Variants in ZNF486 observed in about 807,000 individuals in gnomAD.
ZNF486 encodes zinc finger protein 486, also known as KRAB box only protein 2.
In ZNF486, 12 loss-of-function variants were observed where a neutral mutation model predicts 12.8. That is an observed-to-expected ratio of 0.94 (90% confidence interval 0.60 to 1.52). The LOEUF (loss-of-function observed/expected upper bound fraction) is 1.52. ZNF486 is among the 40% of genes most tolerant of loss of function. The probability of loss-of-function intolerance (pLI) is 0.00; values close to 1 mark genes in which losing one functional copy is unlikely to be tolerated. For missense variants in ZNF486, 738 were observed against 545.0 expected (o/e 1.35, Z -3.53); for synonymous variants, 231 against 184.9 (o/e 1.25, Z -2.02).
At position 20,197,457 on chromosome 19, in the gene ZNF486, C is replaced by G. The variant is rs1459199316; in HGVS notation, c.747C>G (p.Tyr249Ter). The change falls in exon 4 of 4, where the codon TAC becomes TAG. Residue 249 changes from tyrosine (Y) to a stop codon, truncating the protein, a stop_gained. Transcript: ENST00000335117. LOFTEE classifies it low-confidence loss of function (END_TRUNC). ...KCEECGKVFK[Y>*]FSSFTTHKKI... is the part of the protein sequence containing the mutation. ...AAGAATGTGGCAAAGTCTTTAAGTA[C>G]TTCTCTAGCTTTACTACACATAAGA... is the stretch of plus-strand genomic sequence containing the variant. 1 of 1,608,752 alleles carries G rather than the reference C, an allele frequency of 6.2e-7. No homozygotes were observed. Among genetic ancestry groups the G allele is most frequent in the Non-Finnish European group, 8.5e-7 (1 of 1,177,248 alleles).
intron 3 of ZNF486, among the ~76,000 whole-genome samples, chr19:20,189,537 G>A (rs2089882511): frequency 2.0e-5 from 3 of 152,098 alleles, no homozygotes; most frequent in African/African-American, 7.2e-5. Flanking sequence ...CATTCTAATG[G>A]ATATGAGGTG....
rs143556694 is a variant in ZNF486, at chr19:20,173,030, G to C, written c.30+5670G>C. Among the ~76,000 whole-genome samples the C allele has an allele frequency of 2.6e-3, 397 of 152,302 alleles. 2 individuals carry two copies. Among genetic ancestry groups the C allele is most frequent in the African/African-American group, 9.1e-3 (378 of 41,568 alleles). On this transcript the variant is annotated intron_variant, in intron 1 of 3. Transcript: ENST00000335117. ...TATTTTGTAGATTGTTTACTCTGTTGATAGTTTCCTTTGCTGTAAAGAAGC... is the reference window on the plus strand; with the variant it reads ...TATTTTGTAGATTGTTTACTCTGTTCATAGTTTCCTTTGCTGTAAAGAAGC...
At position 20,197,194 on chromosome 19, in the gene ZNF486, G is replaced by T. The variant is rs909329532; in HGVS notation, c.484G>T (p.Val162Phe). The T allele has an allele frequency of 1.2e-6, 2 of 1,613,114 alleles. No individual in the cohort carries two copies. Among genetic ancestry groups the T allele is most frequent in the Admixed American group, 3.3e-5 (2 of 59,812 alleles). Residue 162 changes from valine to phenylalanine, a missense_variant, in exon 4 of 4, where the codon GTC (valine) becomes TTC (phenylalanine). Transcript: ENST00000335117. ...KIFQCGKYVK[V>F]FHQFSNSKRH... ...ATTTCAATGTGGTAAATATGTGAAA[G>T]TCTTTCATCAATTTTCAAATTCAAA...
At chr19:20,192,372 G>A (rs1036657241) in intron 3 of ZNF486, among the ~76,000 whole-genome samples, 4 of 152,014 alleles carry the variant, frequency 2.6e-5, no homozygotes, top group East Asian at 1.9e-4. Flanking sequence ...GTGCAATGGC[G>A]TGAGCTCACT....
intron 1 of ZNF486, among the ~76,000 whole-genome samples, chr19:20,175,921 C>T (rs1263963452): frequency 1.3e-5 from 2 of 151,542 alleles, no homozygotes; most frequent in Non-Finnish European, 2.9e-5. Flanking sequence ...GGCAGAGGCG[C>T]CCCTCACCTC....
rs782437717 is a variant in ZNF486 at position 20,184,460 on chromosome 19, C to T, written c.135C>T (p.Asn45=). 5 of 1,612,166 alleles carry T rather than the reference C, an allele frequency of 3.1e-6. No homozygotes were observed. In the African/African-American group the frequency reaches 5.3e-5, roughly 17 times the overall value. ...QNLYRDVMLE[N]YRHLVFLGII... ...TATATAGGGATGTGATGTTAGAGAA[C>T]TACAGACACCTGGTCTTCCTTGGTG... is the stretch of plus-strand genomic sequence containing the variant. Residue 45 remains asparagine, a synonymous_variant, in exon 2 of 4, where the codon AAC becomes AAT. Coordinates refer to ENST00000335117, the MANE Select transcript of ZNF486 (RefSeq NM_052852.4).
chr19:20,183,108 C>T (rs1032357459), intron 1 of ZNF486, among the ~76,000 whole-genome samples: 2 of 152,160 alleles, frequency 1.3e-5, no homozygotes, highest in Admixed American at 6.5e-5. Flanking sequence ...TATCCCAGAG[C>T]TTTCTCTGCA....
Position 20,181,068 on chromosome 19 carries a change from C to T in ZNF486, c.31-3288C>T, listed in dbSNP as rs574131054. Among the ~76,000 whole-genome samples, 47 of 152,146 alleles carry T rather than the reference C, an allele frequency of 3.1e-4. 1 individual carries two copies. Among genetic ancestry groups the T allele is most frequent in the Non-Finnish European group, 6.3e-4 (43 of 67,996 alleles). On this transcript the variant is annotated intron_variant, in intron 1 of 3. Coordinates refer to ENST00000335117, the MANE Select transcript of ZNF486 (RefSeq NM_052852.4). ...TAGAGAACAGAATTCTACATAAGTCCTCACACTGCCTGAGACCTGATCAGA... is the reference window on the plus strand; with the variant it reads ...TAGAGAACAGAATTCTACATAAGTCTTCACACTGCCTGAGACCTGATCAGA...
rs1321708705 is a variant in ZNF486, at chr19:20,198,143, T to C, written c.*41T>C. 1.3e-6 allele frequency: 2 copies of C among 1,493,748 alleles called. No individual in the cohort carries two copies. Among genetic ancestry groups the C allele is most frequent in the African/African-American group, 1.4e-5 (1 of 70,832 alleles). The allele number at this position is 1,493,748 out of a possible 1,614,324, so 92.5% of individuals were successfully genotyped here. The stretch of plus-strand genomic sequence containing the variant: ...TTATTATTATTTTTTTGAGAGGTAA[T>C]TCTGCTGTTGTTTCCCAGGCTGGAG... On this transcript the variant is annotated 3_prime_UTR_variant, in exon 4 of 4. Transcript: ENST00000335117.
rs371992802 is a variant in ZNF486 at position 20,198,676 on chromosome 19, C to T, written c.*574C>T. The T allele has an allele frequency of 1.1e-4, 17 of 153,792 alleles. No individual in the cohort carries two copies. The highest frequency in any genetic ancestry group is 3.9e-4 in the African/African-American group (16 of 41,542). 9.5% of individuals were successfully genotyped at this position (153,792 alleles called of 1,614,324 possible). ...TAGCTGGGATTACAGGTGCCACCAC[C>T]ATTCCCAGCTAATTTTTGTATTTTT... On this transcript the variant is annotated 3_prime_UTR_variant, in exon 4 of 4. Transcript: ENST00000335117.
At chr19:20,174,591 G>A (rs1318833684) in intron 1 of ZNF486, among the ~76,000 whole-genome samples, 1 of 150,610 alleles carries the variant, frequency 6.6e-6, no homozygotes, top group Middle Eastern at 3.2e-3. Flanking sequence ...TTGTCACCAT[G>A]TTCGCCAGTT....
intron 3 of ZNF486, chr19:20,188,466 T>C (rs1402828753): frequency 7.5e-6 from 3 of 398,474 alleles, no homozygotes; most frequent in Non-Finnish European, 1.3e-5. Flanking sequence ...GGAGGATCCC[T>C]GGAGCCCAAA....
chr19:20,196,492 C>T (rs1283370394), intron 3 of ZNF486, among the ~76,000 whole-genome samples: 1 of 152,138 alleles, frequency 6.6e-6, no homozygotes, highest in Non-Finnish European at 1.5e-5. Context: ...CCATGACTGG[C>T]TAACTTTTTG....
chr19:20,169,206 C>G (rs574772851), intron 1 of ZNF486, among the ~76,000 whole-genome samples: 1 of 152,116 alleles, frequency 6.6e-6, no homozygotes, highest in Non-Finnish European at 1.5e-5. Context: ...CCTCTACCTC[C>G]TGGGTTCAAG....
In ZNF486 at chr19:20,197,673, G is replaced by A. The variant is rs114932841; in HGVS notation, c.963G>A (p.Pro321=). The A allele has an allele frequency of 4.5e-4, 726 of 1,612,304 alleles. 7 individuals carry two copies. The African/African-American group carries it at 8.7e-3, about 19-fold the overall frequency. The part of the protein sequence containing the change: ...SHKKIHTGEK[P]YTCDKCGKAF... ...AGAAAATTCATACTGGAGAGAAACC[G>A]TACACGTGTGATAAATGTGGCAAAG... The change falls in exon 4 of 4, where the codon CCG becomes CCA. Residue 321 remains proline (P), a synonymous_variant. Transcript: ENST00000335117.
intron 1 of ZNF486, among the ~76,000 whole-genome samples, chr19:20,167,950 T>C (rs111934779): frequency 7.2e-5 from 11 of 152,168 alleles, no homozygotes; most frequent in Non-Finnish European, 1.3e-4. Context: ...CGCAAATCGC[T>C]CGTTTATCCT....
intron 2 of ZNF486, among the ~76,000 whole-genome samples, chr19:20,185,404 G>GTTTTTTTTTTTTTT (rs782413355): frequency 7.2e-5 from 5 of 69,604 alleles, no homozygotes; most frequent in African/African-American, 1.3e-4. Flanking sequence ...TATTGTTTAT[G>GTTTTTTTTTTTTTT]TTTTTTTTTT....
intron 3 of ZNF486, among the ~76,000 whole-genome samples, chr19:20,189,093 G>C (rs1037310747): frequency 7.2e-5 from 11 of 151,910 alleles, no homozygotes; most frequent in South Asian, 2.1e-4. Context: ...TTTTTTTCTA[G>C]AGATGGATTC....
At chr19:20,167,422 G>A in intron 1 of ZNF486, 62 bp downstream of exon 1, 2 of 1,585,256 alleles carry the variant, frequency 1.3e-6, no homozygotes, top group Admixed American at 1.7e-5. Flanking sequence ...AAGTGGCTGT[G>A]GAGGGACTCA....
Sources: allele counts gnomAD v4.1 joint callset (sites outside exome capture counted in the v4.1 genomes callset), GRCh38; gene constraint gnomAD v4.1.1; transcripts MANE v1.5; gene names NCBI Gene and HGNC (gene_info 2026-07-23, HGNC 2026-07-21).